The following CHIC2 variants were observed in gnomAD, a reference collection of about 807,000 sequenced individuals.
CHIC2 encodes the protein cysteine-rich hydrophobic domain-containing protein 2.
In CHIC2, 14 loss-of-function variants were observed where a neutral mutation model predicts 25.9. The ratio of observed to expected loss-of-function variants is 0.54; its 90% CI spans 0.36 to 0.85. The LOEUF is 0.85. CHIC2 is among the 40% of genes least tolerant of loss of function. The probability of loss-of-function intolerance (pLI) is 0.01; values close to 1 mark genes in which losing one functional copy is unlikely to be tolerated. For synonymous variants in CHIC2, 70 were observed against 72.0 expected (o/e 0.97, Z 0.14); for missense variants, 146 against 202.0 (o/e 0.72, Z 1.68).
Position 54,064,400 on chromosome 4 carries a change from GC to G in CHIC2, c.-101del. 1.3e-6 allele frequency: 2 copies of G among 1,549,592 alleles called. No homozygotes were observed. Among genetic ancestry groups the G allele is most frequent in the Non-Finnish European group, 1.7e-6 (2 of 1,150,164 alleles). On this transcript the variant is annotated 5_prime_UTR_variant, in exon 1 of 6. Coordinates refer to ENST00000263921, the MANE Select transcript of CHIC2 (RefSeq NM_012110.4). The surrounding 1 kb of genome is among the most constrained non-coding windows in gnomAD (Gnocchi z 4.2). ...GCGGAGGCTGAGGGGAGTCGCCGCTGCCGCCGGCTCCGAGGCCGCGGAGTTC... is the reference window on the plus strand; with the variant it reads ...GCGGAGGCTGAGGGGAGTCGCCGCTGCGCCGGCTCCGAGGCCGCGGAGTTC...
At chr4:54,043,763 A>G (rs1461795789) in intron 3 of CHIC2, among the ~76,000 whole-genome samples, 1 of 152,202 alleles carries the variant, frequency 6.6e-6, no homozygotes, top group Non-Finnish European at 1.5e-5. Context: ...CAAAATAACC[A>G]GCTAACATCA....
At chr4:54,014,786 T>C (rs150353707) in intron 3 of CHIC2, among the ~76,000 whole-genome samples, 2 of 152,266 alleles carry the variant, frequency 1.3e-5, no homozygotes, top group Non-Finnish European at 2.9e-5. Flanking sequence ...AGATATGCTA[T>C]GCTGCATGAA....
chr4:54,033,699 T>A (rs1367604416), intron 3 of CHIC2, among the ~76,000 whole-genome samples: 1 of 152,340 alleles, frequency 6.6e-6, no homozygotes, highest in East Asian at 1.9e-4. Flanking sequence ...TACGGTTTAA[T>A]GTACAGATTG....
At chr4:54,052,856 A>G (rs565600261) in intron 1 of CHIC2, among the ~76,000 whole-genome samples, 10 of 152,204 alleles carry the variant, frequency 6.6e-5, no homozygotes, top group African/African-American at 2.2e-4. Context: ...TAGAAATGTA[A>G]TATTACCTAA....
At chr4:54,032,750 A>G (rs983333857) in intron 3 of CHIC2, among the ~76,000 whole-genome samples, 2 of 152,242 alleles carry the variant, frequency 1.3e-5, no homozygotes, top group African/African-American at 4.8e-5. Flanking sequence ...AGAAACTGCC[A>G]AAAGTGGAAG....
chr4:54,019,014 A>G (rs1326318375), intron 3 of CHIC2, among the ~76,000 whole-genome samples: 1 of 151,896 alleles, frequency 6.6e-6, no homozygotes, highest in Non-Finnish European at 1.5e-5. Flanking sequence ...ACATCTGTGT[A>G]AATTGAATTT....
intron 3 of CHIC2, among the ~76,000 whole-genome samples, chr4:54,043,464 ACT>A (rs1203007109): frequency 2.0e-5 from 3 of 151,804 alleles, no homozygotes; most frequent in African/African-American, 7.3e-5. Flanking sequence ...CTTGGCAGAA[ACT>A]CTACAAGCCA....
rs1381834708 is a variant in CHIC2, at chr4:54,014,716, C to G, written c.331-597G>C. ...TGTCATCTGATAGTAAAATCAAACT[C>G]TTAATTCAATACTACTGTTTCAGGA... On this transcript the variant is annotated intron_variant, in intron 3 of 5. Transcript: ENST00000263921. 5.9e-5 allele frequency among the ~76,000 whole-genome samples: 9 copies of G among 152,114 alleles called. No homozygotes were observed. In the East Asian group the frequency reaches 1.7e-3, roughly 29 times the overall value.
intron 3 of CHIC2, among the ~76,000 whole-genome samples, chr4:54,029,909 T>TAA (rs1316646991): frequency 3.3e-5 from 5 of 152,316 alleles, no homozygotes; most frequent in African/African-American, 1.2e-4. Context: ...CATTCTAACT[T>TAA]AAAAACAAAA....
At chr4:54,028,288 G>A (rs944454576) in intron 3 of CHIC2, among the ~76,000 whole-genome samples, 2 of 152,080 alleles carry the variant, frequency 1.3e-5, no homozygotes, top group African/African-American at 4.8e-5. Flanking sequence ...CTGCTGGTAG[G>A]TATAAAGTCA....
At chr4:54,063,071 G>A (rs1436885528) in intron 1 of CHIC2, among the ~76,000 whole-genome samples, 2 of 152,180 alleles carry the variant, frequency 1.3e-5, no homozygotes, top group Admixed American at 6.5e-5. Context: ...CTGGTCATAC[G>A]AGAAATGCAA....
chr4:54,086,475 T>G, the CHIC2 span, among the ~76,000 whole-genome samples: 53 of 152,202 alleles, frequency 3.5e-4, no homozygotes, highest in Non-Finnish European at 6.6e-4. Flanking sequence ...ATAGGGTGGT[T>G]GTTCTCAATG....
chr4:54,063,098 C>T (rs1175104655), intron 1 of CHIC2, among the ~76,000 whole-genome samples: 1 of 152,206 alleles, frequency 6.6e-6, no homozygotes, highest in Non-Finnish European at 1.5e-5. Context: ...TGCTGACAAA[C>T]TTATATGAGA....
chr4:54,069,083 GA>G (rs1318589815), upstream of CHIC2, among the ~76,000 whole-genome samples: 1 of 152,190 alleles, frequency 6.6e-6, no homozygotes, highest in Non-Finnish European at 1.5e-5. Flanking sequence ...TATTGAGACA[GA>G]GGTACAATCA....
At chr4:54,028,640 A>G (rs911364426) in intron 3 of CHIC2, among the ~76,000 whole-genome samples, 1 of 152,240 alleles carries the variant, frequency 6.6e-6, no homozygotes, top group African/African-American at 2.4e-5. Context: ...GTGCCTTGCT[A>G]ATAGCCGGTA....
chr4:54,054,084 G>A (rs527318405), intron 1 of CHIC2, among the ~76,000 whole-genome samples: 7 of 152,234 alleles, frequency 4.6e-5, no homozygotes, highest in Admixed American at 2.6e-4. Flanking sequence ...CACTACACCC[G>A]GCAGACAAAT....
chr4:54,044,414 C>T (rs1296031789), intron 3 of CHIC2, among the ~76,000 whole-genome samples: 1 of 152,162 alleles, frequency 6.6e-6, no homozygotes, highest in East Asian at 1.9e-4. Context: ...AAGCACTCCT[C>T]AGCAAATGTA....
intron 1 of CHIC2, among the ~76,000 whole-genome samples, chr4:54,050,085 G>A (rs1022876309): frequency 1.3e-5 from 2 of 152,106 alleles, no homozygotes; most frequent in African/African-American, 2.4e-5. Context: ...ACCAGTACTT[G>A]GAGAACAGAG....
chr4:54,032,536 G>C (rs949252059), intron 3 of CHIC2, among the ~76,000 whole-genome samples: 1 of 152,176 alleles, frequency 6.6e-6, no homozygotes, highest in Non-Finnish European at 1.5e-5. Context: ...CCGAGGTGCC[G>C]GGATTGCAGA....
Sources: gnomAD v4.1 joint callset for allele counts (sites outside exome capture counted in the v4.1 genomes callset) on GRCh38, gnomAD v4.1.1 for gene constraint, Gnocchi (gnomAD v3.1) non-coding constraint, MANE v1.5 for transcripts, NCBI Gene and HGNC (gene_info 2026-07-23, HGNC 2026-07-21) for gene names.